Variants in CDYL observed in about 807,000 individuals in gnomAD.
The protein encoded by CDYL is chromodomain Y-like protein.
In CDYL, 8 loss-of-function variants were observed where a neutral mutation model predicts 47.3. The ratio of observed to expected loss-of-function variants is 0.17; its 90% CI spans 0.10 to 0.31. The LOEUF is 0.31. Ranked by LOEUF, CDYL falls within the 10% of genes least tolerant of loss-of-function variation. CDYL has a pLI of 1.00. For missense variants in CDYL, 471 were observed against 701.4 expected (o/e 0.67, Z 3.71); for synonymous variants, 266 against 265.0 (o/e 1.00, Z -0.04).
At chr6:4,834,730 T>C (rs1234140876) in intron 1 of CDYL, among the ~76,000 whole-genome samples, 6 of 152,210 alleles carry the variant, frequency 3.9e-5, no homozygotes, top group Non-Finnish European at 8.8e-5. Context: ...GTAGATTTGG[T>C]CTTTTCACAT....
At chr6:4,803,480 C>G (rs1250697466) in intron 1 of CDYL, among the ~76,000 whole-genome samples, 1 of 152,200 alleles carries the variant, frequency 6.6e-6, no homozygotes, top group Non-Finnish European at 1.5e-5. Flanking sequence ...GCTCTGAAGC[C>G]TGGGGCATGG....
At chr6:4,717,365 A>T (rs962028487) in intron 2 of CDYL, among the ~76,000 whole-genome samples, 5 of 152,144 alleles carry the variant, frequency 3.3e-5, no homozygotes, top group Non-Finnish European at 7.3e-5. Flanking sequence ...TGGCTCATCC[A>T]GGATCCACCA....
intron 1 of CDYL, among the ~76,000 whole-genome samples, chr6:4,889,407 T>C (rs1761979619): frequency 6.6e-6 from 1 of 152,062 alleles, no homozygotes; most frequent in African/African-American, 2.4e-5. Context: ...GTATTTTTAG[T>C]AGAGACGGGG....
intron 3 of CDYL, among the ~76,000 whole-genome samples, chr6:4,738,040 AG>A (rs1397031784): frequency 6.6e-6 from 1 of 152,242 alleles, no homozygotes; most frequent in Non-Finnish European, 1.5e-5. Context: ...AAAATACAAT[AG>A]AAAAAAATGA....
At chr6:4,732,664 TAA>T (rs1388162262) in intron 2 of CDYL, among the ~76,000 whole-genome samples, 130 of 78,704 alleles carry the variant, frequency 1.7e-3, no homozygotes, top group African/African-American at 4.5e-3. Flanking sequence ...TCCTGTTTTT[TAA>T]AAAAAAAGAG....
intron 1 of CDYL, among the ~76,000 whole-genome samples, chr6:4,832,324 T>C (rs1760170605): frequency 1.3e-5 from 2 of 152,020 alleles, no homozygotes; most frequent in Admixed American, 6.5e-5. Context: ...TCTGCATCTA[T>C]TGAGATAATC....
rs1021069666 is a variant in CDYL at position 4,734,243 on chromosome 6, C to G, written c.104-519C>G. 2.0e-5 allele frequency among the ~76,000 whole-genome samples: 3 copies of G among 152,212 alleles called. No individual in the cohort carries two copies. In the East Asian group the frequency reaches 5.8e-4, roughly 29 times the overall value. On this transcript the variant is annotated intron_variant, in intron 2 of 8. Transcript: ENST00000328908. ...ATGCAGCTGTCCTGACAGTCAAACT[C>G]TCTCTCTGGGAGGGTCCCCTTGTGT... is the stretch of plus-strand genomic sequence containing the variant.
intron 6 of CDYL, among the ~76,000 whole-genome samples, chr6:4,953,397 CAAAT>C (rs1257432658): frequency 6.6e-6 from 1 of 151,798 alleles, no homozygotes; most frequent in Non-Finnish European, 1.5e-5. Context: ...AAAAAAACCA[CAAAT>C]AATTTTTTTT....
intron 5 of CDYL, among the ~76,000 whole-genome samples, chr6:4,944,806 T>G (rs762204781): frequency 6.6e-6 from 1 of 152,092 alleles, no homozygotes; most frequent in Non-Finnish European, 1.5e-5. Flanking sequence ...GTGGGAAAAA[T>G]AGTAACTTTA....
At chr6:4,825,597 G>A (rs1759960234) in intron 1 of CDYL, among the ~76,000 whole-genome samples, 1 of 151,914 alleles carries the variant, frequency 6.6e-6, no homozygotes, top group Non-Finnish European at 1.5e-5. Context: ...GTGATCCTGT[G>A]GTTTTCCTTT....
chr6:4,919,722 C>T (rs1757657248), intron 2 of CDYL, among the ~76,000 whole-genome samples: 1 of 152,146 alleles, frequency 6.6e-6, no homozygotes, highest in African/African-American at 2.4e-5. Flanking sequence ...TAGAAGTAAT[C>T]ACAGTCCATG....
In CDYL at chr6:4,754,126, G is replaced by A. The variant is rs201782914; in HGVS notation, c.186+19282G>A. On this transcript the variant is annotated intron_variant, in intron 3 of 8. Coordinates refer to the CDYL transcript ENST00000328908. ...CACTACAGTCTGGGCAATAGAGCGA[G>A]ACCCTGTCTCTTAAGAAAAAAAAAT... 2.3e-4 allele frequency among the ~76,000 whole-genome samples: 35 copies of A among 152,168 alleles called. 1 individual carries two copies. The South Asian group carries it at 2.7e-3, about 12-fold the overall frequency.
At chr6:4,837,907 A>G (rs967413681) in intron 1 of CDYL, among the ~76,000 whole-genome samples, 2 of 151,030 alleles carry the variant, frequency 1.3e-5, no homozygotes, top group Admixed American at 6.6e-5. Context: ...TCCAGTATCT[A>G]GGACTACAGG....
intron 1 of CDYL, among the ~76,000 whole-genome samples, chr6:4,792,861 T>G (rs963043436): frequency 2.0e-5 from 3 of 152,196 alleles, no homozygotes; most frequent in Non-Finnish European, 4.4e-5. Context: ...GTTTTTACAG[T>G]GTAGCCTGAG....
intron 2 of CDYL, among the ~76,000 whole-genome samples, chr6:4,904,150 T>C (rs1441641866): frequency 6.6e-6 from 1 of 152,268 alleles, no homozygotes; most frequent in Non-Finnish European, 1.5e-5. Flanking sequence ...CCTGCCGTTG[T>C]GGGTAGTGCT....
chr6:4,776,662 C>T lies in CDYL; in HGVS notation c.-122C>T, dbSNP rs1015528605. The T allele has an allele frequency of 4.5e-6, 4 of 883,338 alleles. No homozygotes were observed. The highest frequency in any genetic ancestry group is 4.1e-5 in the Admixed American group (1 of 24,272). The allele number at this position is 883,338 out of a possible 1,614,324, so 54.7% of individuals were successfully genotyped here. A position where few individuals can be genotyped will look rare whatever the true frequency, so the allele number is the denominator to read the frequency against. On this transcript the variant is annotated 5_prime_UTR_variant, in exon 1 of 7. Transcript: ENST00000397588. ...AAGAGGCTCGTCCGTGCCCAGCGCC[C>T]GGCCGGCCGCGGGAGCAGGAAGCGC... is the stretch of plus-strand genomic sequence containing the variant.
At chr6:4,819,295 G>A (rs1304108108) in intron 1 of CDYL, among the ~76,000 whole-genome samples, 1 of 151,940 alleles carries the variant, frequency 6.6e-6, no homozygotes, top group African/African-American at 2.4e-5. Context: ...GAAATTTGGG[G>A]ATACTTTATT....
chr6:4,863,991 C>G (rs1313869915), intron 1 of CDYL, among the ~76,000 whole-genome samples: 1 of 152,106 alleles, frequency 6.6e-6, no homozygotes, highest in African/African-American at 2.4e-5. Flanking sequence ...AAAGTACAGA[C>G]CCTCAAAGGT....
intron 2 of CDYL, among the ~76,000 whole-genome samples, chr6:4,896,072 T>C (rs1762275726): frequency 1.3e-5 from 2 of 152,240 alleles, no homozygotes; most frequent in African/African-American, 2.4e-5. Context: ...AGATCAGCCC[T>C]GACCCCTGTA....
Sources: allele counts gnomAD v4.1 joint callset (sites outside exome capture counted in the v4.1 genomes callset), GRCh38; gene constraint gnomAD v4.1.1; transcripts MANE v1.5; gene names NCBI Gene and HGNC (gene_info 2026-07-23, HGNC 2026-07-21).